The following GPI variants were observed in gnomAD, a reference collection of about 807,000 sequenced individuals.
GPI encodes the protein D-hexose-6-phosphate anomerase.
A neutral mutation model predicts 75.8 loss-of-function variants in GPI; 56 were observed. The observed-to-expected ratio is 0.74, with a 90% confidence interval of 0.60 to 0.92. The LOEUF is 0.92. Ranked by LOEUF, GPI falls within the 40% of genes least tolerant of loss-of-function variation. GPI has a pLI of 0.00. For missense variants in GPI, 638 were observed against 741.0 expected, an observed-to-expected ratio of 0.86 and a Z score of 1.61; for synonymous variants, 288 against 285.4, an observed-to-expected ratio of 1.01 and a Z score of -0.09.
At chr19:34,365,656 T>C (rs1236928856) in intron 1 of GPI, 1 of 627,258 alleles carries the variant, frequency 1.6e-6, no homozygotes, top group Non-Finnish European at 3.0e-6. Flanking sequence ...ACATTTCCCC[T>C]CCTCCTCCCC....
In GPI at chr19:34,396,456, T is replaced by TGG. The variant is rs2074946288; in HGVS notation, c.1192+27_1192+28insGG. 3 of 1,613,404 alleles carry TGG rather than the reference T, an allele frequency of 1.9e-6. No homozygotes were observed. In the Admixed American group the frequency reaches 5.0e-5, roughly 27 times the overall value. ...GTAGGCCCCTGTGGCCTGGGAAGGG[T>TGG]GATGTTGGGGGAGGGAAAGGATCTT... On this transcript the variant is annotated intron_variant, in intron 13 of 17. Transcript: ENST00000356487.
chr19:34,393,638 C>T lies in GPI; in HGVS notation c.866-90C>T. On this transcript the variant is annotated intron_variant, in intron 10 of 17. Transcript: ENST00000356487. This position sits in a 1 kb window ranked among gnomAD's most constrained non-coding sequence, Gnocchi z 4.4. ...ATGTCGTATCTTCTGGCTCTCCATG[C>T]AGCCTTCCTTCGTTGCAGAAGGAGC... 7.8e-7 allele frequency: 1 copy of T among 1,278,366 alleles called. No individual in the cohort carries two copies. The highest frequency in any genetic ancestry group is 2.3e-5 in the East Asian group (1 of 43,370). 79.2% of individuals were successfully genotyped at this position (1,278,366 alleles called of 1,614,324 possible). A position where few individuals can be genotyped will look rare whatever the true frequency, so the allele number is the denominator to read the frequency against.
chr19:34,386,324 C>G (rs1007751129), intron 9 of GPI, among the ~76,000 whole-genome samples: 2 of 151,330 alleles, frequency 1.3e-5, no homozygotes, highest in Non-Finnish European at 2.9e-5. Flanking sequence ...GTCTGAGAAC[C>G]CAGGTTCAAG....
intron 9 of GPI, among the ~76,000 whole-genome samples, chr19:34,389,030 CT>C (rs1388587695): frequency 6.6e-6 from 1 of 151,624 alleles, no homozygotes; most frequent in Non-Finnish European, 1.5e-5. Flanking sequence ...GAGTTTGAGG[CT>C]GCGGTGAGCT....
rs761859270 is a variant in GPI at position 34,396,630 on chromosome 19, C to A, written c.1242C>A (p.His414Gln). 1.2e-6 allele frequency: 2 copies of A among 1,614,142 alleles called. No individual in the cohort carries two copies. The highest frequency in any genetic ancestry group is 1.7e-5 in the Admixed American group (1 of 60,030). The change falls in exon 14 of 18, where the codon CAC becomes CAA. Residue 414 changes from histidine to glutamine, a missense_variant. Transcript: ENST00000356487. ...TCCTCATCCCGGTCCAGACCCAGCA[C>A]CCCATACGGAAGGGTCTGCATCACA... ...CDFLIPVQTQ[H>Q]PIRKGLHHKI... is the part of the protein sequence containing the mutation.
At position 34,396,439 on chromosome 19, in the gene GPI, C is replaced by A. The variant is rs1247595476; in HGVS notation, c.1192+9C>A. ...CCAGCTCATCCACCAAGGTAGGCCC[C>A]TGTGGCCTGGGAAGGGTGATGTTGG... is the stretch of plus-strand genomic sequence containing the variant. On this transcript the variant is annotated intron_variant, in intron 13 of 17. Transcript: ENST00000356487. 6.2e-7 allele frequency: 1 copy of A among 1,614,098 alleles called. No homozygotes were observed. Among genetic ancestry groups the A allele is most frequent in the Non-Finnish European group, 8.5e-7 (1 of 1,179,936 alleles).
intron 1 of GPI, 77 bp downstream of exon 1, chr19:34,365,465 G>C: frequency 2.6e-6 from 4 of 1,510,406 alleles, no homozygotes; most frequent in Non-Finnish European, 3.5e-6. Flanking sequence ...TCTGGAGGCG[G>C]GGGCAGCGGT....
upstream of GPI, among the ~76,000 whole-genome samples, chr19:34,360,430 A>G (rs2074295142): frequency 6.6e-6 from 1 of 152,042 alleles, no homozygotes; most frequent in African/African-American, 2.4e-5. Flanking sequence ...CAGTCTCTAC[A>G]AATAATAATA....
At chr19:34,365,640 G>C (rs781669519) in intron 1 of GPI, 1 of 662,666 alleles carries the variant, frequency 1.5e-6, no homozygotes, top group Non-Finnish European at 2.7e-6. Flanking sequence ...GGGCCCCTCC[G>C]TGGGGACATT....
chr19:34,395,004 A>G (rs1276729922), intron 12 of GPI, among the ~76,000 whole-genome samples: 1 of 151,910 alleles, frequency 6.6e-6, no homozygotes, highest in Admixed American at 6.6e-5. Context: ...ATGAGCCACC[A>G]TGCCCAACCC....
In GPI at chr19:34,400,138, C is replaced by A; in HGVS notation, c.*102C>A. Reference sequence around the variant, plus strand: ...GTTCCTGGACACCACCCAGAGCACCCTCTGGTTGTGGGCTTGGACCACGAG... The same window carrying A: ...GTTCCTGGACACCACCCAGAGCACCATCTGGTTGTGGGCTTGGACCACGAG... On this transcript the variant is annotated 3_prime_UTR_variant, in exon 18 of 18. Coordinates refer to ENST00000356487, the MANE Select transcript of GPI (RefSeq NM_000175.5). 7.6e-7 allele frequency: 1 copy of A among 1,321,952 alleles called. No homozygotes were observed. The highest frequency in any genetic ancestry group is 1.2e-5 in the South Asian group (1 of 84,866). 81.9% of individuals were successfully genotyped at this position (1,321,952 alleles called of 1,614,324 possible). A position where few individuals can be genotyped will look rare whatever the true frequency, so the allele number is the denominator to read the frequency against.
Position 34,393,587 on chromosome 19 carries a change from G to A in GPI, c.866-141G>A. ...ACTCAGGGCCACCTCTCACTGGAGG[G>A]GCTTTGTCTAGGTCCGAGTCCTCCC... On this transcript the variant is annotated intron_variant, in intron 10 of 17. Transcript: ENST00000356487. This position sits in a 1 kb window ranked among gnomAD's most constrained non-coding sequence, Gnocchi z 4.4. 1.2e-6 allele frequency: 1 copy of A among 816,120 alleles called. No homozygotes were observed. Among genetic ancestry groups the A allele is most frequent in the Non-Finnish European group, 2.1e-6 (1 of 478,840 alleles). 50.6% of individuals were successfully genotyped at this position (816,120 alleles called of 1,614,324 possible). A position where few individuals can be genotyped will look rare whatever the true frequency, so the allele number is the denominator to read the frequency against.
chr19:34,360,817 A>C (rs1044138416), upstream of GPI, among the ~76,000 whole-genome samples: 6 of 152,016 alleles, frequency 3.9e-5, no homozygotes, highest in African/African-American at 1.4e-4. Context: ...TCACTCTGTG[A>C]CCCAGGCCGG....
In GPI at chr19:34,365,200, GC is replaced by G; in HGVS notation, c.-66del. On this transcript the variant is annotated 5_prime_UTR_variant, in exon 1 of 18. Transcript: ENST00000356487. ...CGCCGCGCGCCCACGCGCCTCGCTT[GC>G]TGCGCGCTGCCGGCGCTCCTTCCTC... 7.2e-7 allele frequency: 1 copy of G among 1,390,386 alleles called. No homozygotes were observed. The highest frequency in any genetic ancestry group is 1.8e-5 in the South Asian group (1 of 56,720). 86.1% of individuals were successfully genotyped at this position (1,390,386 alleles called of 1,614,324 possible).
At chr19:34,365,040 G>A (rs1382595712), upstream of GPI, 2 of 1,503,342 alleles carry the variant, frequency 1.3e-6, no homozygotes, top group Admixed American at 2.1e-5. Flanking sequence ...AGGAGCTGAG[G>A]CCCCAGATCA....
intron 4 of GPI, among the ~76,000 whole-genome samples, chr19:34,372,150 C>T (rs557673190): frequency 3.9e-5 from 6 of 151,956 alleles, no homozygotes; most frequent in East Asian, 2.0e-4. Context: ...AGGCTGGTCT[C>T]GAACTCCTGA....
chr19:34,366,268 G>A, intron 1 of GPI, 77 bp from the exon 2 acceptor site: 1 of 952,282 alleles, frequency 1.1e-6, no homozygotes, highest in South Asian at 1.3e-5. Flanking sequence ...TTTCTTCTGG[G>A]AACAGCTCCT....
At chr19:34,363,389 T>C (rs1028571979), upstream of GPI, 2 of 151,956 alleles carry the variant, frequency 1.3e-5, no homozygotes, top group Admixed American at 6.6e-5. Context: ...ACAGGGTAAG[T>C]GATAATGGGG....
intron 9 of GPI, among the ~76,000 whole-genome samples, chr19:34,383,647 A>G (rs578104905): frequency 2.0e-5 from 3 of 152,270 alleles, no homozygotes; most frequent in Admixed American, 1.3e-4. Flanking sequence ...GGGTCTGCAG[A>G]GCCCAGATGC....
Sources: gnomAD v4.1 joint callset for allele counts (sites outside exome capture counted in the v4.1 genomes callset) on GRCh38, gnomAD v4.1.1 for gene constraint, Gnocchi (gnomAD v3.1) non-coding constraint, MANE v1.5 for transcripts, NCBI Gene and HGNC (gene_info 2026-07-23, HGNC 2026-07-21) for gene names.